TLE2: variants seen among roughly 807,000 people sequenced by gnomAD.
TLE2 encodes TLE family member 2, transcriptional corepressor.
Under a neutral mutation model 97.2 loss-of-function variants are expected in TLE2, and 74 were observed. The ratio of observed to expected loss-of-function variants is 0.76; its 90% CI spans 0.63 to 0.92. The LOEUF (loss-of-function observed/expected upper bound fraction) is 0.92, where lower values mean the gene tolerates loss of function less well. TLE2 is among the 40% of genes least tolerant of loss of function. The probability of loss-of-function intolerance (pLI) is 0.00; values close to 1 mark genes in which losing one functional copy is unlikely to be tolerated. For missense variants in TLE2, 1,038 were observed against 1,008.7 expected, an observed-to-expected ratio of 1.03 and a Z score of -0.39; for synonymous variants, 499 against 432.1, an observed-to-expected ratio of 1.15 and a Z score of -1.92.
intron 11 of TLE2, 51 bp downstream of exon 11, chr19:3,013,618 G>A (rs216271): frequency 0.35 from 459,320 of 1,322,504 alleles, 88,782 homozygotes; most frequent in African/African-American, 0.82. Flanking sequence ...GTCTGCTTCG[G>A]GGCCCCCGGG....
chr19:3,045,559 G>A (rs1367119920), intron 1 of TLE2, among the ~76,000 whole-genome samples: 1 of 152,146 alleles, frequency 6.6e-6, no homozygotes, highest in Non-Finnish European at 1.5e-5. Flanking sequence ...GCTTACACCT[G>A]TAATCCCAAC....
chr19:3,039,390 C>G (rs2090084274), intron 1 of TLE2, among the ~76,000 whole-genome samples: 1 of 152,150 alleles, frequency 6.6e-6, no homozygotes, highest in Non-Finnish European at 1.5e-5. Flanking sequence ...TTCTCCCCCT[C>G]TGTTCCAGCC....
At chr19:3,018,558 G>A in intron 7 of TLE2, among the ~76,000 whole-genome samples, 1 of 152,122 alleles carries the variant, frequency 6.6e-6, no homozygotes, top group African/African-American at 2.4e-5. Context: ...CTCCCAGAGT[G>A]CTGGGATTAC....
intron 1 of TLE2, among the ~76,000 whole-genome samples, chr19:3,042,920 C>A (rs2090115404): frequency 6.6e-6 from 1 of 152,054 alleles, no homozygotes; most frequent in Admixed American, 6.6e-5. Flanking sequence ...AGAGGGGAAT[C>A]CTAGGCCCTC....
chr19:3,003,522 C>T (rs889790029), intron 17 of TLE2, among the ~76,000 whole-genome samples: 1 of 152,062 alleles, frequency 6.6e-6, no homozygotes, highest in African/African-American at 2.4e-5. Flanking sequence ...CCTGTAATCC[C>T]AGCTACTCGG....
At chr19:3,038,562 A>G (rs1599255499) in intron 1 of TLE2, among the ~76,000 whole-genome samples, 2 of 152,252 alleles carry the variant, frequency 1.3e-5, no homozygotes, top group South Asian at 4.1e-4. Context: ...CTCACGCTCC[A>G]CATCTATGCT....
At chr19:3,006,277 G>A in intron 15 of TLE2, 143 bp downstream of exon 15, 1 of 1,346,730 alleles carries the variant, frequency 7.4e-7, no homozygotes, top group Non-Finnish European at 1.0e-6. Flanking sequence ...TGTCCCATGC[G>A]ACTACGAGCT....
At chr19:3,044,943 C>T (rs551941543) in intron 1 of TLE2, among the ~76,000 whole-genome samples, 75 of 151,912 alleles carry the variant, frequency 4.9e-4, no homozygotes, top group Non-Finnish European at 8.8e-4. Context: ...GAAAGCCGGG[C>T]GCGGTGGCTC....
rs572404348 is a variant in TLE2, at chr19:3,025,068, C to T, written c.246G>A (p.Lys82=). The T allele has an allele frequency of 3.7e-6, 6 of 1,605,116 alleles. No homozygotes were observed. Among genetic ancestry groups the T allele is most frequent in the African/African-American group, 1.3e-5 (1 of 74,862 alleles). The change falls in exon 5 of 20, where the codon AAG becomes AAA. Residue 82 remains lysine (K), a synonymous_variant. Coordinates refer to ENST00000262953, the MANE Select transcript of TLE2 (RefSeq NM_003260.5). ...IEMHKQAEIV[K]RLSGICAQII... is the part of the protein sequence containing the mutation. ...TCTGAGCGCAGATACCGCTCAGACGCTTCACAATCTCCGCCTGGCAGGAAG... is the reference window on the plus strand; with the variant it reads ...TCTGAGCGCAGATACCGCTCAGACGTTTCACAATCTCCGCCTGGCAGGAAG...
At chr19:3,036,292 C>T (rs1379398356) in intron 1 of TLE2, among the ~76,000 whole-genome samples, 1 of 152,250 alleles carries the variant, frequency 6.6e-6, no homozygotes, top group Non-Finnish European at 1.5e-5. Flanking sequence ...CGCGCGGCTC[C>T]CGCCCAGGCT....
chr19:3,015,521 G>A (rs954646169), intron 9 of TLE2, 132 bp downstream of exon 9: 11 of 681,946 alleles, frequency 1.6e-5, no homozygotes, highest in Non-Finnish European at 2.3e-5. Flanking sequence ...TCAGTACTCT[G>A]AGTAGTAGGG....
At chr19:3,010,950 C>G (rs2089582014) in intron 12 of TLE2, 72 bp downstream of exon 12, 2 of 1,527,310 alleles carry the variant, frequency 1.3e-6, no homozygotes, top group East Asian at 5.0e-5. Context: ...TTCTGCCTCT[C>G]CAGCCCCTTT....
At chr19:3,047,614 T>G (rs2090154519), upstream of TLE2, 1 of 152,040 alleles carries the variant, frequency 6.6e-6, no homozygotes, top group Admixed American at 6.6e-5. Flanking sequence ...TTGCAGAAGT[T>G]CTAATTCTCA....
At chr19:3,045,692 G>A in intron 1 of TLE2, 2 of 427,756 alleles carry the variant, frequency 4.7e-6, no homozygotes, top group South Asian at 3.2e-5. Context: ...TTAACCAGGT[G>A]TGGTGGCGGG....
chr19:3,037,249 C>T (rs2090069590), intron 1 of TLE2, among the ~76,000 whole-genome samples: 1 of 152,236 alleles, frequency 6.6e-6, no homozygotes, highest in African/African-American at 2.4e-5. Context: ...CGCGCCACTG[C>T]ACTCTAGCCT....
In TLE2 at chr19:2,998,025, G is replaced by A. The variant is rs950308872; in HGVS notation, c.2125-70C>T. The stretch of plus-strand genomic sequence containing the variant: ...CCCCACAGATGGGTGTGTGGGCAAG[G>A]CTGGGGCGGAGTCAGGAACGGGAGG... On this transcript the variant is annotated intron_variant, in intron 19 of 19. Coordinates refer to ENST00000262953, the MANE Select transcript of TLE2 (RefSeq NM_003260.5). The A allele has an allele frequency of 7.8e-6, 9 of 1,149,866 alleles. No homozygotes were observed. In the African/African-American group the frequency reaches 1.2e-4, roughly 16 times the overall value. The allele number at this position is 1,149,866 out of a possible 1,614,324, so 71.2% of individuals were successfully genotyped here.
At chr19:3,021,042 T>C (rs1228377741) in intron 5 of TLE2, among the ~76,000 whole-genome samples, 3 of 131,394 alleles carry the variant, frequency 2.3e-5, no homozygotes, top group Non-Finnish European at 4.6e-5. Flanking sequence ...TGAGCCAAGA[T>C]TGCACCACTG....
Position 3,005,519 on chromosome 19 carries a change from C to G in TLE2, c.1814G>C (p.Trp605Ser), listed in dbSNP as rs1044097986. 1.2e-6 allele frequency: 2 copies of G among 1,613,804 alleles called. No homozygotes were observed. The highest frequency in any genetic ancestry group is 2.7e-5 in the African/African-American group (2 of 75,058). ...CACCGTGTTGTCCAGGCCCCCTGTC[C>G]AGAGCCGAGTGCCGTAATCGGAAAT... Reference protein sequence around the residue: ...IDISDYGTRLWTGGLDNTVRC... With the variant: ...IDISDYGTRLSTGGLDNTVRC... Residue 605 changes from tryptophan to serine, a missense_variant, in exon 17 of 20, where the codon TGG becomes TCG. By Grantham distance (177) the Trp-to-Ser change is radical (BLOSUM62 -3). Transcript: ENST00000262953.
rs564093043 is a variant in TLE2 at position 3,018,572 on chromosome 19, C to T, written c.550+711G>A. Among the ~76,000 whole-genome samples, 8 of 151,970 alleles carry T rather than the reference C, an allele frequency of 5.3e-5. No homozygotes were observed. The South Asian group carries it at 8.3e-4, about 16-fold the overall frequency. ...TCTCCCAGAGTGCTGGGATTACAGGCGTGAACCACCGTGCCTGGCTATCTA... is the reference window on the plus strand; with the variant it reads ...TCTCCCAGAGTGCTGGGATTACAGGTGTGAACCACCGTGCCTGGCTATCTA... On this transcript the variant is annotated intron_variant, in intron 7 of 19. Coordinates refer to ENST00000262953, the MANE Select transcript of TLE2 (RefSeq NM_003260.5).
Sources: gnomAD v4.1 joint callset for allele counts (sites outside exome capture counted in the v4.1 genomes callset) on GRCh38, gnomAD v4.1.1 for gene constraint, MANE v1.5 for transcripts, NCBI Gene and HGNC (gene_info 2026-07-23, HGNC 2026-07-21) for gene names.